The following NLGN4X variants were observed in gnomAD, a reference collection of about 807,000 sequenced individuals.
NLGN4X encodes the protein neuroligin-4, X-linked.
NLGN4X carries 3 observed loss-of-function variants against 40.3 expected under a neutral mutation model. That is an observed-to-expected ratio of 0.07 (90% CI 0.03 to 0.19). The LOEUF (loss-of-function observed/expected upper bound fraction) is 0.19. Ranked by LOEUF, NLGN4X falls within the 10% of genes least tolerant of loss-of-function variation. The pLI, the probability that NLGN4X is intolerant of heterozygous loss-of-function variation, is 1.00. For missense variants in NLGN4X, 382 were observed against 708.3 expected (o/e 0.54, Z 5.23); for synonymous variants, 270 against 306.8 (o/e 0.88, Z 1.25).
chrX:5,905,286 A>G (rs888188668), intron 4 of NLGN4X, among the ~76,000 whole-genome samples: 20 of 111,429 alleles, frequency 1.8e-4, no homozygotes, highest in Admixed American at 1.9e-4. Flanking sequence ...GATAAGACTA[A>G]AATAGTTGGA....
chrX:6,078,233 T>C (rs2038255886), intron 2 of NLGN4X, among the ~76,000 whole-genome samples: 1 of 112,056 alleles, frequency 8.9e-6, no homozygotes, highest in Non-Finnish European at 1.9e-5. Flanking sequence ...TGCTTTATCT[T>C]CTGTCCCCAT....
intron 3 of NLGN4X, among the ~76,000 whole-genome samples, chrX:5,967,850 C>T (rs1403015253): frequency 1.8e-5 from 2 of 111,104 alleles, no homozygotes; most frequent in Non-Finnish European, 3.8e-5. Flanking sequence ...TGCATCCTTT[C>T]TGCTCACCCT....
chrX:5,898,409 A>G (rs865981334), intron 5 of NLGN4X, among the ~76,000 whole-genome samples: 17 of 105,754 alleles, frequency 1.6e-4, no homozygotes, highest in African/African-American at 5.9e-4. Context: ...TCCCAACATC[A>G]TTTTTCTGTG....
chrX:6,203,665 T>C (rs1385750765), intron 1 of NLGN4X, among the ~76,000 whole-genome samples: 1 of 112,051 alleles, frequency 8.9e-6, no homozygotes, highest in African/African-American at 3.2e-5. Context: ...AACTGAAGCC[T>C]CCTGCCAAGT....
At chrX:6,058,987 T>C (rs894751218) in intron 2 of NLGN4X, among the ~76,000 whole-genome samples, 8 of 111,577 alleles carry the variant, frequency 7.2e-5, no homozygotes, top group African/African-American at 2.6e-4. Flanking sequence ...TATTTTATAG[T>C]GAAGAAAACA....
chrX:5,966,717 A>G (rs1475470176), intron 3 of NLGN4X, among the ~76,000 whole-genome samples: 15 of 112,219 alleles, frequency 1.3e-4, no homozygotes, highest in Non-Finnish European at 1.9e-5. Flanking sequence ...GCAACTACAC[A>G]TAAAATGTTT....
chrX:6,068,639 G>A (rs1359249593), intron 2 of NLGN4X, among the ~76,000 whole-genome samples: 1 of 112,008 alleles, frequency 8.9e-6, no homozygotes, highest in East Asian at 2.8e-4. Flanking sequence ...AATATACAAT[G>A]ATCTAATAGC....
chrX:5,971,534 C>T (rs1277214988), intron 3 of NLGN4X, among the ~76,000 whole-genome samples: 1 of 111,710 alleles, frequency 9.0e-6, no homozygotes, highest in Non-Finnish European at 1.9e-5. Flanking sequence ...ACAACTGATC[C>T]CAAGACAATT....
intron 1 of NLGN4X, among the ~76,000 whole-genome samples, chrX:6,173,687 A>G (rs1293352114): frequency 2.7e-5 from 3 of 112,172 alleles, no homozygotes; most frequent in Admixed American, 1.9e-4. Flanking sequence ...CTTTTTGTCC[A>G]ACCCTATTTC....
At chrX:6,074,206 T>TA (rs766649611) in intron 2 of NLGN4X, among the ~76,000 whole-genome samples, 104 of 111,348 alleles carry the variant, frequency 9.3e-4, no homozygotes, top group African/African-American at 3.3e-3. Context: ...CAAAGATCCC[T>TA]ACAAGGTCCA....
At chrX:6,120,117 A>G (rs1017823990) in intron 2 of NLGN4X, among the ~76,000 whole-genome samples, 2 of 111,362 alleles carry the variant, frequency 1.8e-5, no homozygotes, top group Non-Finnish European at 3.8e-5. Context: ...CGAAGCTGCA[A>G]TGAGCCATGA....
intron 2 of NLGN4X, among the ~76,000 whole-genome samples, chrX:6,095,369 G>A (rs894649342): frequency 5.4e-5 from 6 of 111,641 alleles, no homozygotes; most frequent in African/African-American, 2.0e-4. Context: ...ATCAGGGCTT[G>A]TAAAACTCAT....
At chrX:5,908,600 C>T (rs1418481146) in intron 4 of NLGN4X, among the ~76,000 whole-genome samples, 2 of 111,922 alleles carry the variant, frequency 1.8e-5, no homozygotes, top group African/African-American at 3.3e-5. Context: ...AATTGTCACA[C>T]ATTTAAATTA....
intron 3 of NLGN4X, among the ~76,000 whole-genome samples, chrX:5,967,011 C>T (rs954222880): frequency 7.2e-5 from 8 of 111,693 alleles, no homozygotes; most frequent in Non-Finnish European, 1.5e-4. Flanking sequence ...CACCATTACC[C>T]TAAATACAGT....
At chrX:6,134,015 G>C (rs1478843264) in intron 2 of NLGN4X, among the ~76,000 whole-genome samples, 1 of 111,343 alleles carries the variant, frequency 9.0e-6, no homozygotes, top group Non-Finnish European at 1.9e-5. Context: ...AAAAACAGCA[G>C]TGTGATAGAT....
intron 2 of NLGN4X, among the ~76,000 whole-genome samples, chrX:6,055,349 A>C (rs2037595038): frequency 8.9e-6 from 1 of 111,959 alleles, no homozygotes. Flanking sequence ...AAATTAAAAA[A>C]TTAGTTGGCC....
At chrX:5,965,240 C>T (rs769243530) in intron 3 of NLGN4X, among the ~76,000 whole-genome samples, 27 of 112,023 alleles carry the variant, frequency 2.4e-4, no homozygotes, top group Non-Finnish European at 4.5e-4. Flanking sequence ...CACATGCAAG[C>T]ATCAAACGTT....
At chrX:6,223,030 T>C (rs1271505974) in intron 1 of NLGN4X, among the ~76,000 whole-genome samples, 1 of 110,807 alleles carries the variant, frequency 9.0e-6, no homozygotes, top group Non-Finnish European at 1.9e-5. Flanking sequence ...TTTAGCAGCC[T>C]GAGAATGGAT....
intron 1 of NLGN4X, among the ~76,000 whole-genome samples, chrX:6,181,754 G>C (rs1430960233): frequency 1.8e-5 from 2 of 112,311 alleles, no homozygotes; most frequent in Non-Finnish European, 3.8e-5. Context: ...TGAGAATTAA[G>C]TTTCAACATA....
Sources: gnomAD v4.1 joint callset for allele counts (sites outside exome capture counted in the v4.1 genomes callset) on GRCh38, gnomAD v4.1.1 for gene constraint, MANE v1.5 for transcripts, NCBI Gene and HGNC (gene_info 2026-07-23, HGNC 2026-07-21) for gene names.